PTPRD: variants seen among roughly 807,000 people sequenced by gnomAD.
The protein encoded by PTPRD is receptor-type tyrosine-protein phosphatase delta.
PTPRD carries 34 observed loss-of-function variants against 214.5 expected under a neutral mutation model. The ratio of observed to expected loss-of-function variants is 0.16; its 90% CI spans 0.12 to 0.21. The LOEUF (loss-of-function observed/expected upper bound fraction) is 0.21, where lower values mean the gene tolerates loss of function less well. Ranked by LOEUF, PTPRD falls within the 10% of genes least tolerant of loss-of-function variation. The probability of loss-of-function intolerance (pLI) is 1.00; values close to 1 mark genes in which losing one functional copy is unlikely to be tolerated. For synonymous variants in PTPRD, 1,128 were observed against 845.7 expected (o/e 1.33, Z -5.79); for missense variants, 2,545 against 2,398.7 (o/e 1.06, Z -1.27).
chr9:9,930,640 T>G (rs2153922459), intron 5 of PTPRD, among the ~76,000 whole-genome samples: 1 of 152,258 alleles, frequency 6.6e-6, no homozygotes, highest in African/African-American at 2.4e-5. Context: ...ATTTTAAAGT[T>G]TAAGTATATG....
At chr9:10,575,273 A>C (rs4741037) in intron 2 of PTPRD, among the ~76,000 whole-genome samples, 73,571 of 151,708 alleles carry the variant, frequency 0.48, 17,878 homozygotes, top group Middle Eastern at 0.56. Context: ...CAATTAAACA[A>C]ACAATCTTGA....
intron 2 of PTPRD, among the ~76,000 whole-genome samples, chr9:10,429,472 GC>G (rs2098656636): frequency 6.6e-6 from 1 of 151,864 alleles, no homozygotes; most frequent in African/African-American, 2.4e-5. Context: ...CGGTGTATAT[GC>G]ACAGTAAGAT....
At chr9:9,747,579 T>C (rs2098471176) in intron 6 of PTPRD, among the ~76,000 whole-genome samples, 1 of 150,836 alleles carries the variant, frequency 6.6e-6, no homozygotes, top group Admixed American at 6.6e-5. Context: ...GGAGTTTCAC[T>C]CTTTTCGCCC....
chr9:8,513,301 T>C (rs1188641353), intron 21 of PTPRD, among the ~76,000 whole-genome samples: 2 of 152,214 alleles, frequency 1.3e-5, no homozygotes, highest in African/African-American at 4.8e-5. Context: ...ATTCTCATTT[T>C]CTGTATTACC....
In PTPRD at chr9:8,788,253, A is replaced by AT. The variant is rs776984034; in HGVS notation, c.-103-54308dup. The stretch of plus-strand genomic sequence containing the variant: ...AAATATTTTTGGTTCATATAAGATG[A>AT]TTTTTTTTTTTTTTTTTTTTTTTTT... On this transcript the variant is annotated intron_variant, in intron 11 of 45. Coordinates refer to ENST00000381196, the MANE Select transcript of PTPRD (RefSeq NM_002839.4). Among the ~76,000 whole-genome samples, 420 of 85,224 alleles carry AT rather than the reference A, an allele frequency of 4.9e-3. 9 individuals are homozygous for AT. The highest frequency in any genetic ancestry group is 6.3e-3 in the African/African-American group (118 of 18,792). 55.9% of individuals were successfully genotyped at this position (85,224 alleles called of 152,430 possible).
chr9:9,783,265 G>T (rs969724761), intron 5 of PTPRD, among the ~76,000 whole-genome samples: 1 of 152,068 alleles, frequency 6.6e-6, no homozygotes, highest in Admixed American at 6.5e-5. Context: ...TTTTACCAAG[G>T]TTTTAAAGTG....
chr9:8,337,509 T>C (rs1848143620), intron 43 of PTPRD, among the ~76,000 whole-genome samples: 1 of 152,034 alleles, frequency 6.6e-6, no homozygotes, highest in Non-Finnish European at 1.5e-5. Flanking sequence ...AGATGATGGG[T>C]TGATGTTGCA....
chr9:10,117,348 T>C (rs1452681577), intron 3 of PTPRD, among the ~76,000 whole-genome samples: 4 of 152,126 alleles, frequency 2.6e-5, no homozygotes, highest in African/African-American at 4.8e-5. Context: ...AAAGTGTCTA[T>C]GGACAATGTA....
intron 34 of PTPRD, among the ~76,000 whole-genome samples, chr9:8,441,333 G>A (rs2095540616): frequency 6.6e-6 from 1 of 152,086 alleles, no homozygotes; most frequent in Non-Finnish European, 1.5e-5. Flanking sequence ...TCTGAAAAGG[G>A]TGAAATTATT....
chr9:8,700,939 G>C (rs1382675302), intron 12 of PTPRD: 3 of 152,080 alleles, frequency 2.0e-5, no homozygotes, highest in African/African-American at 7.2e-5. Flanking sequence ...GAGGCAGGCA[G>C]ATCACAAGGT....
intron 4 of PTPRD, among the ~76,000 whole-genome samples, chr9:9,985,641 T>G (rs912335697): frequency 5.9e-5 from 9 of 152,240 alleles, no homozygotes; most frequent in African/African-American, 2.2e-4. Flanking sequence ...GGAGATTCTA[T>G]AGATACACCA....
At chr9:10,347,073 C>G (rs975162880) in intron 2 of PTPRD, among the ~76,000 whole-genome samples, 4 of 150,760 alleles carry the variant, frequency 2.7e-5, no homozygotes, top group Non-Finnish European at 5.9e-5. Context: ...ATAAGGCACA[C>G]CTCCCCTCCT....
chr9:8,890,549 T>A (rs1358904294), intron 11 of PTPRD, among the ~76,000 whole-genome samples: 1 of 152,240 alleles, frequency 6.6e-6, no homozygotes, highest in Non-Finnish European at 1.5e-5. Flanking sequence ...AAAGTGTATG[T>A]TAAACAAAAG....
At chr9:10,033,397 G>A (rs764723498) in intron 4 of PTPRD, among the ~76,000 whole-genome samples, 4 of 151,644 alleles carry the variant, frequency 2.6e-5, no homozygotes, top group Non-Finnish European at 5.9e-5. Context: ...TTGCTTGTGA[G>A]CCAAGGTGTC....
chr9:10,232,832 C>G (rs1157029467), intron 3 of PTPRD, among the ~76,000 whole-genome samples: 1 of 151,920 alleles, frequency 6.6e-6, no homozygotes, highest in Non-Finnish European at 1.5e-5. Context: ...ACAGGGCCAA[C>G]CTTTTCCATT....
chr9:9,386,626 T>C (rs2063961357), intron 9 of PTPRD, among the ~76,000 whole-genome samples: 1 of 152,128 alleles, frequency 6.6e-6, no homozygotes, highest in African/African-American at 2.4e-5. Context: ...GCATTTTAAA[T>C]AGCAAAATAT....
chr9:8,688,801 C>CA (rs1415094283), intron 12 of PTPRD, among the ~76,000 whole-genome samples: 1 of 152,038 alleles, frequency 6.6e-6, no homozygotes, highest in African/African-American at 2.4e-5. Flanking sequence ...AAATATACAT[C>CA]AAACTACATT....
chr9:9,016,614 G>A (rs1268375331), intron 11 of PTPRD, among the ~76,000 whole-genome samples: 2 of 152,150 alleles, frequency 1.3e-5, no homozygotes, highest in African/African-American at 4.8e-5. Context: ...CCAGAGCAAT[G>A]AGGCTGATGA....
intron 8 of PTPRD, among the ~76,000 whole-genome samples, chr9:9,423,778 T>C (rs570620956): frequency 6.6e-6 from 1 of 152,150 alleles, no homozygotes; most frequent in Non-Finnish European, 1.5e-5. Context: ...TTAGACAGAA[T>C]TGAAGAGGGA....
Sources: allele counts gnomAD v4.1 joint callset (sites outside exome capture counted in the v4.1 genomes callset), GRCh38; gene constraint gnomAD v4.1.1; transcripts MANE v1.5; gene names NCBI Gene and HGNC (gene_info 2026-07-23, HGNC 2026-07-21).